The following SGMS1 variants were observed in gnomAD, a reference collection of about 807,000 sequenced individuals.
SGMS1 encodes the protein phosphatidylcholine:ceramide cholinephosphotransferase 1.
Under a neutral mutation model 46.2 loss-of-function variants are expected in SGMS1, and 13 were observed. The ratio of observed to expected loss-of-function variants is 0.28; its 90% CI spans 0.18 to 0.45. The LOEUF is 0.45. Among genes scored for constraint, SGMS1 ranks in the 20% least tolerant of loss-of-function variants. The pLI is 1.00. For synonymous variants in SGMS1, 203 were observed against 187.8 expected (o/e 1.08, Z -0.66); for missense variants, 324 against 519.9 (o/e 0.62, Z 3.66).
At chr10:50,513,190 T>A (rs953385856) in intron 3 of SGMS1, among the ~76,000 whole-genome samples, 3 of 152,076 alleles carry the variant, frequency 2.0e-5, no homozygotes, top group African/African-American at 7.2e-5. Context: ...CTCACTAAGG[T>A]TTCAACCAAG....
intron 2 of SGMS1, among the ~76,000 whole-genome samples, chr10:50,567,816 G>A (rs931340480): frequency 1.3e-5 from 2 of 152,180 alleles, no homozygotes; most frequent in Non-Finnish European, 2.9e-5. Flanking sequence ...AGGGGGAAAA[G>A]GGGGGAAAAG....
chr10:50,338,484 T>C (rs936679164), intron 7 of SGMS1, among the ~76,000 whole-genome samples: 4 of 152,156 alleles, frequency 2.6e-5, no homozygotes, highest in African/African-American at 9.7e-5. Flanking sequence ...GTTGGAGATT[T>C]CCCCAAATTA....
At chr10:50,539,465 A>G (rs1417429959) in intron 2 of SGMS1, among the ~76,000 whole-genome samples, 1 of 152,268 alleles carries the variant, frequency 6.6e-6, no homozygotes, top group Non-Finnish European at 1.5e-5. Flanking sequence ...TGAATGAGCC[A>G]TCTTTTATGG....
chr10:50,498,345 C>A (rs933785788), intron 3 of SGMS1, among the ~76,000 whole-genome samples: 12 of 152,136 alleles, frequency 7.9e-5, no homozygotes, highest in Non-Finnish European at 4.4e-5. Flanking sequence ...TAATTTATCA[C>A]CTTAATCATT....
intron 8 of SGMS1, among the ~76,000 whole-genome samples, chr10:50,324,708 A>G (rs1212581299): frequency 6.6e-6 from 1 of 152,222 alleles, no homozygotes; most frequent in East Asian, 1.9e-4. Context: ...ACAAGCTAAA[A>G]TTGAATCTAA....
chr10:50,508,686 C>T (rs1289609903), intron 3 of SGMS1, among the ~76,000 whole-genome samples: 1 of 152,062 alleles, frequency 6.6e-6, no homozygotes, highest in Non-Finnish European at 1.5e-5. Context: ...GGGTAACTGC[C>T]AATTCTCTAT....
At chr10:50,573,538 C>T (rs531463420) in intron 2 of SGMS1, among the ~76,000 whole-genome samples, 8 of 152,230 alleles carry the variant, frequency 5.3e-5, no homozygotes, top group Admixed American at 2.6e-4. Context: ...GTAAAGATTT[C>T]GTGTATTCAT....
chr10:50,436,265 C>T (rs1297510232), intron 5 of SGMS1, among the ~76,000 whole-genome samples: 7 of 152,066 alleles, frequency 4.6e-5, no homozygotes, highest in East Asian at 1.9e-4. Context: ...CCACCATGCC[C>T]GGCTAATTTT....
At chr10:50,498,544 T>C (rs1477964073) in intron 3 of SGMS1, among the ~76,000 whole-genome samples, 1 of 152,228 alleles carries the variant, frequency 6.6e-6, no homozygotes, top group East Asian at 1.9e-4. Flanking sequence ...GTACCTCATA[T>C]ATGTAGAAGC....
chr10:50,341,744 T>C (rs61858202), intron 7 of SGMS1, among the ~76,000 whole-genome samples: 24,003 of 152,076 alleles, frequency 0.16, 2,279 homozygotes, highest in Admixed American at 0.22. Context: ...CTTTGAGCAA[T>C]TTAAATATAT....
At chr10:50,382,564 CACAT>C (rs1185042772) in intron 6 of SGMS1, among the ~76,000 whole-genome samples, 2 of 84,470 alleles carry the variant, frequency 2.4e-5, no homozygotes, top group African/African-American at 4.3e-5. Context: ...CACAAACACA[CACAT>C]ACACACACAC....
At position 50,428,460 on chromosome 10, in the gene SGMS1, G is replaced by A. The variant is rs571446600; in HGVS notation, c.-232+5016C>T. 2.0e-5 allele frequency among the ~76,000 whole-genome samples: 3 copies of A among 152,236 alleles called. No homozygotes were observed. The South Asian group carries it at 6.2e-4, about 32-fold the overall frequency. ...TAATCCTTTCACAGGGATGGAAGGT[G>A]GGCAGAAAGGAGCAGCAAGTGTTCT... On this transcript the variant is annotated intron_variant, in intron 6 of 10. Coordinates refer to ENST00000361781, the MANE Select transcript of SGMS1 (RefSeq NM_147156.4).
intron 6 of SGMS1, among the ~76,000 whole-genome samples, chr10:50,406,063 T>C (rs1849009861): frequency 6.6e-6 from 1 of 152,126 alleles, no homozygotes; most frequent in African/African-American, 2.4e-5. Context: ...AATTACCTTG[T>C]TGAAAAAAAT....
At chr10:50,448,874 T>A (rs867895878) in intron 5 of SGMS1, among the ~76,000 whole-genome samples, 1 of 151,610 alleles carries the variant, frequency 6.6e-6, no homozygotes, top group African/African-American at 2.4e-5. Context: ...AAGAAAACAA[T>A]TAACTTGATT....
intron 9 of SGMS1, among the ~76,000 whole-genome samples, chr10:50,310,968 C>T (rs528902683): frequency 2.6e-5 from 4 of 152,344 alleles, no homozygotes; most frequent in South Asian, 2.1e-4. Flanking sequence ...CATCTGGCTC[C>T]TTACAGCAGC....
At chr10:50,606,862 T>C (rs1838701628) in intron 1 of SGMS1, among the ~76,000 whole-genome samples, 1 of 152,152 alleles carries the variant, frequency 6.6e-6, no homozygotes, top group South Asian at 2.1e-4. Context: ...TATCCTAGAA[T>C]CTCCTGCATC....
intron 1 of SGMS1, among the ~76,000 whole-genome samples, chr10:50,604,244 A>G (rs915782535): frequency 6.6e-6 from 1 of 152,064 alleles, no homozygotes; most frequent in African/African-American, 2.4e-5. Flanking sequence ...CCCCACCCAA[A>G]AGAAAGCAAA....
At chr10:50,468,076 A>C (rs1837346600) in intron 3 of SGMS1, among the ~76,000 whole-genome samples, 1 of 152,204 alleles carries the variant, frequency 6.6e-6, no homozygotes, top group Admixed American at 6.5e-5. Flanking sequence ...ACCTATAAAG[A>C]TAGTAAACAA....
intron 2 of SGMS1, among the ~76,000 whole-genome samples, chr10:50,588,582 T>G (rs1284106568): frequency 3.3e-5 from 5 of 152,210 alleles, no homozygotes; most frequent in African/African-American, 4.8e-5. Flanking sequence ...TTAATCTCTC[T>G]AATGCTGATT....
Sources: allele counts gnomAD v4.1 joint callset (sites outside exome capture counted in the v4.1 genomes callset), GRCh38; gene constraint gnomAD v4.1.1; transcripts MANE v1.5; gene names NCBI Gene and HGNC (gene_info 2026-07-23, HGNC 2026-07-21).